KNTC1: variants seen among roughly 807,000 people sequenced by gnomAD.
The protein encoded by KNTC1 is kinetochore associated 1.
KNTC1 carries 253 observed loss-of-function variants against 314.4 expected under a neutral mutation model. The ratio of observed to expected loss-of-function variants is 0.80; its 90% CI spans 0.73 to 0.89. KNTC1 has a LOEUF of 0.89. Among genes scored for constraint, KNTC1 ranks in the 40% least tolerant of loss-of-function variants. The pLI, the probability that KNTC1 is intolerant of heterozygous loss-of-function variation, is 0.00. For synonymous variants in KNTC1, 901 were observed against 901.4 expected (o/e 1.00, Z 0.01); for missense variants, 2,475 against 2,572.9 (o/e 0.96, Z 0.82).
At position 122,590,732 on chromosome 12, in the gene KNTC1, C is replaced by A; in HGVS notation, c.4125C>A (p.Ile1375=). Residue 1375 remains isoleucine, a synonymous_variant, in exon 41 of 64, where the codon ATC becomes ATA. Transcript: ENST00000333479. ...AAGCATGGCAGAATTACGACAAAATCTTGGTATGTCCTAAGGAAGCACACC... is the reference window on the plus strand; with the variant it reads ...AAGCATGGCAGAATTACGACAAAATATTGGTATGTCCTAAGGAAGCACACC... ...IDKAWQNYDK[I]LAISLVGSEL... The A allele has an allele frequency of 6.2e-7, 1 of 1,612,646 alleles. No homozygotes were observed. The highest frequency in any genetic ancestry group is 8.5e-7 in the Non-Finnish European group (1 of 1,179,194).
At chr12:122,614,522 T>G (rs997109822) in intron 55 of KNTC1, among the ~76,000 whole-genome samples, 1 of 152,154 alleles carries the variant, frequency 6.6e-6, no homozygotes, top group African/African-American at 2.4e-5. Flanking sequence ...GCAAGAAAAA[T>G]AATCTTTTTT....
Position 122,584,456 on chromosome 12 carries a change from A to G in KNTC1, c.3436+6A>G. Reference sequence around the variant, plus strand: ...TGCCACCATTTGCAGTCCAGGTGACAATATTTATAATATACGTAGTTTTAT... The same window carrying G: ...TGCCACCATTTGCAGTCCAGGTGACGATATTTATAATATACGTAGTTTTAT... On this transcript the variant is annotated splice_donor_region_variant and intron_variant, in intron 35 of 63. Transcript: ENST00000333479. The G allele has an allele frequency of 6.3e-7, 1 of 1,586,060 alleles. No homozygotes were observed. Among genetic ancestry groups the G allele is most frequent in the Non-Finnish European group, 8.6e-7 (1 of 1,163,090 alleles).
rs182631845 is a variant in KNTC1, at chr12:122,605,940, C to T, written c.5496+525C>T. ...TACTGCAGACTCGAATTCCTAGGCT[C>T]AAGCAGTCCTCCCCACCTCAGCCTC... On this transcript the variant is annotated intron_variant, in intron 51 of 63. Transcript: ENST00000333479. Among the ~76,000 whole-genome samples the T allele has an allele frequency of 1.2e-3, 179 of 150,818 alleles. 2 individuals are homozygous for T. Among genetic ancestry groups the T allele is most frequent in the Admixed American group, 2.6e-3 (40 of 15,152 alleles).
chr12:122,551,194 G>T, intron 13 of KNTC1, 125 bp from the exon 14 acceptor site: 1 of 619,034 alleles, frequency 1.6e-6, no homozygotes, highest in Non-Finnish European at 2.8e-6. Context: ...AGGTATTTAT[G>T]GGATACCCAG....
intron 26 of KNTC1, 104 bp downstream of exon 26, chr12:122,573,389 A>C (rs1593579441): frequency 1.9e-6 from 2 of 1,033,002 alleles, no homozygotes; most frequent in East Asian, 4.8e-5. Flanking sequence ...TCTCAGTAGG[A>C]CTCATGCAGC....
chr12:122,597,942 G>A lies in KNTC1; in HGVS notation c.4563+4G>A, dbSNP rs1365296192. 1.2e-6 allele frequency: 2 copies of A among 1,611,284 alleles called. No individual in the cohort carries two copies. The highest frequency in any genetic ancestry group is 2.2e-5 in the East Asian group (1 of 44,864). The stretch of plus-strand genomic sequence containing the variant: ...TCTTAGTGGAATACTACATAAGGTA[G>A]ACACACAGTGAAATGAATCGGGTCA... On this transcript the variant is annotated splice_donor_region_variant and intron_variant, in intron 44 of 63. Coordinates refer to ENST00000333479, the MANE Select transcript of KNTC1 (RefSeq NM_014708.6).
chr12:122,591,372 C>T lies in KNTC1; in HGVS notation c.4164C>T (p.Leu1388=), dbSNP rs1160243090. The T allele has an allele frequency of 6.2e-7, 1 of 1,611,354 alleles. No individual in the cohort carries two copies. Among genetic ancestry groups the T allele is most frequent in the Non-Finnish European group, 8.5e-7 (1 of 1,177,792 alleles). Residue 1388 remains leucine (L), a synonymous_variant, in exon 42 of 64, where the codon CTC becomes CTT. Transcript: ENST00000333479. The stretch of plus-strand genomic sequence containing the variant: ...TGGTGGGCTCTGAGCTGGCAAGTCT[C>T]TATCAGGAAATAGAAATGGGGCTTA... The part of the protein sequence containing the change: ...ISLVGSELAS[L]YQEIEMGLKF...
At chr12:122,575,511 C>T in intron 27 of KNTC1, 32 bp from the exon 28 acceptor site, 2 of 1,460,640 alleles carry the variant, frequency 1.4e-6, no homozygotes, top group Non-Finnish European at 1.9e-6. Flanking sequence ...AACCTGAGGG[C>T]TGTTCCTTGT....
Position 122,604,999 on chromosome 12 carries a change from C to A in KNTC1, c.5298C>A (p.Ile1766=). 6.2e-7 allele frequency: 1 copy of A among 1,613,154 alleles called. No homozygotes were observed. Among genetic ancestry groups the A allele is most frequent in the Non-Finnish European group, 8.5e-7 (1 of 1,179,530 alleles). Residue 1766 remains isoleucine, a synonymous_variant, in exon 50 of 64, where the codon ATC becomes ATA. Transcript: ENST00000333479. Reference sequence around the variant, plus strand: ...ACACTGAGGAATATTTAAGAGTGATCGGAAAGCCAGCACATCTTATTGTCA... The same window carrying A: ...ACACTGAGGAATATTTAAGAGTGATAGGAAAGCCAGCACATCTTATTGTCA... The part of the protein sequence containing the change: ...KLNTEEYLRV[I]GKPAHLIVSL...
At chr12:122,578,765 C>T (rs1385191291) in intron 31 of KNTC1, among the ~76,000 whole-genome samples, 2 of 152,102 alleles carry the variant, frequency 1.3e-5, no homozygotes, top group Admixed American at 6.6e-5. Context: ...CTCCCAACTT[C>T]TCTCAGTCCA....
In KNTC1 at chr12:122,579,940, C is replaced by T. The variant is rs770629141; in HGVS notation, c.2877C>T (p.Ser959=). Residue 959 remains serine (S), a synonymous_variant, in exon 32 of 64, where the codon TCC becomes TCT. Transcript: ENST00000333479. ...KAWRMSVAKT[S]VDILKILCDI... The stretch of plus-strand genomic sequence containing the variant: ...GGAGAATGTCTGTAGCGAAGACATC[C>T]GTGGACATTCTTAAGATACTATGTG... The T allele has an allele frequency of 1.4e-5, 22 of 1,610,460 alleles. No individual in the cohort carries two copies. Among genetic ancestry groups the T allele is most frequent in the Admixed American group, 3.3e-5 (2 of 59,952 alleles).
chr12:122,551,448 T>TG lies in KNTC1; in HGVS notation c.1131-10_1131-9insG, dbSNP rs1358133023. 7 of 1,574,022 alleles carry TG rather than the reference T, an allele frequency of 4.4e-6. No homozygotes were observed. Among genetic ancestry groups the TG allele is most frequent in the Non-Finnish European group, 6.0e-6 (7 of 1,157,290 alleles). ...AAGACAAGCGCATTTATAGTTAAAATTTTTTCTAGATTGTCTGAAGACTCA... is the reference window on the plus strand; with the variant it reads ...AAGACAAGCGCATTTATAGTTAAAATGTTTTTCTAGATTGTCTGAAGACTCA... On this transcript the variant is annotated splice_polypyrimidine_tract_variant and intron_variant, in intron 14 of 63. Coordinates refer to ENST00000333479, the MANE Select transcript of KNTC1 (RefSeq NM_014708.6).
Position 122,594,329 on chromosome 12 carries a change from T to C in KNTC1, c.4299T>C (p.Ile1433=). The C allele has an allele frequency of 1.2e-6, 2 of 1,611,268 alleles. No individual in the cohort carries two copies. Among genetic ancestry groups the C allele is most frequent in the Non-Finnish European group, 1.7e-6 (2 of 1,177,634 alleles). The part of the protein sequence containing the change: ...RQHFLTKKDL[I]KALVENIDMD... ...ATTTTCTCACCAAGAAAGACCTCATTAAAGCTCTTGTGGAGAATATAGATA... is the reference window on the plus strand; with the variant it reads ...ATTTTCTCACCAAGAAAGACCTCATCAAAGCTCTTGTGGAGAATATAGATA... Residue 1433 remains isoleucine (I), a synonymous_variant, in exon 43 of 64, where the codon ATT becomes ATC. Coordinates refer to ENST00000333479, the MANE Select transcript of KNTC1 (RefSeq NM_014708.6).
At chr12:122,537,421 ATT>A (rs1003496632) in intron 3 of KNTC1, among the ~76,000 whole-genome samples, 13 of 141,178 alleles carry the variant, frequency 9.2e-5, no homozygotes, top group African/African-American at 2.3e-4. Context: ...TTTATCAGCT[ATT>A]TTTTTTTTTT....
Position 122,572,936 on chromosome 12 carries a change from G to A in KNTC1, c.2020-1G>A, listed in dbSNP as rs779604603. 6.4e-7 allele frequency: 1 copy of A among 1,561,118 alleles called. No homozygotes were observed. Among genetic ancestry groups the A allele is most frequent in the Admixed American group, 1.9e-5 (1 of 53,330 alleles). On this transcript the variant is annotated splice_acceptor_variant, in intron 24 of 63. Coordinates refer to ENST00000333479, the MANE Select transcript of KNTC1 (RefSeq NM_014708.6). LOFTEE classifies it high-confidence loss of function. ...TAACAACTTTAACACTTTTGTTTTAGAAAGATTATCAGAACACAGAGGAAG... is the reference window on the plus strand; with the variant it reads ...TAACAACTTTAACACTTTTGTTTTAAAAAGATTATCAGAACACAGAGGAAG...
At chr12:122,543,903 G>A (rs1455690160) in intron 7 of KNTC1, among the ~76,000 whole-genome samples, 1 of 152,140 alleles carries the variant, frequency 6.6e-6, no homozygotes, top group African/African-American at 2.4e-5. Context: ...TACAAAATTA[G>A]CCGGGGGGTG....
At position 122,561,984 on chromosome 12, in the gene KNTC1, C is replaced by T. The variant is rs7307853; in HGVS notation, c.1542+10C>T. On this transcript the variant is annotated intron_variant, in intron 19 of 63. Coordinates refer to ENST00000333479, the MANE Select transcript of KNTC1 (RefSeq NM_014708.6). The stretch of plus-strand genomic sequence containing the variant: ...TGATGGCTTGAAAGAGGTAATTACA[C>T]TAGATTTCTAGGTTAATATGTGGGT... 3,044 of 1,593,916 alleles carry T rather than the reference C, an allele frequency of 1.9e-3. 53 individuals carry two copies. The African/African-American group carries it at 0.036, about 19-fold the overall frequency.
chr12:122,605,542 G>A, intron 51 of KNTC1, 127 bp downstream of exon 51: 1 of 540,106 alleles, frequency 1.9e-6, no homozygotes, highest in South Asian at 3.1e-5. Flanking sequence ...AAAGAAGGAA[G>A]TTTCTTTGTT....
At position 122,615,413 on chromosome 12, in the gene KNTC1, A is replaced by G. The variant is rs547516381; in HGVS notation, c.5974-57A>G. The G allele has an allele frequency of 1.1e-4, 151 of 1,372,142 alleles. No homozygotes were observed. In the African/African-American group the frequency reaches 1.7e-3, roughly 15 times the overall value. 85.0% of individuals were successfully genotyped at this position (1,372,142 alleles called of 1,614,324 possible). A position where few individuals can be genotyped will look rare whatever the true frequency, so the allele number is the denominator to read the frequency against. On this transcript the variant is annotated intron_variant, in intron 56 of 63. Coordinates refer to ENST00000333479, the MANE Select transcript of KNTC1 (RefSeq NM_014708.6). ...GGAACTTTAACATCTGGTATTTCAC[A>G]TTGAAATTTTCCATTTTGGTGGTCT...
Sources: gnomAD v4.1 joint callset for allele counts (sites outside exome capture counted in the v4.1 genomes callset) on GRCh38, gnomAD v4.1.1 for gene constraint, MANE v1.5 for transcripts, NCBI Gene and HGNC (gene_info 2026-07-23, HGNC 2026-07-21) for gene names.